FSTL5: variants seen among roughly 807,000 people sequenced by gnomAD.
FSTL5 encodes the protein follistatin-related protein 5.
In FSTL5, 62 loss-of-function variants were observed where a neutral mutation model predicts 89.1. The observed-to-expected ratio is 0.70, with a 90% confidence interval of 0.57 to 0.86. The LOEUF (loss-of-function observed/expected upper bound fraction) is 0.86. FSTL5 is among the 40% of genes least tolerant of loss of function. FSTL5 has a pLI of 0.00. For missense variants in FSTL5, 1,057 were observed against 1,001.6 expected (o/e 1.06, Z -0.75); for synonymous variants, 383 against 346.2 (o/e 1.11, Z -1.18).
rs1241724019 is a variant in FSTL5 at position 161,476,189 on chromosome 4, GT to G, written c.1608+4830del. On this transcript the variant is annotated intron_variant, in intron 13 of 15. Transcript: ENST00000306100. ...AGTTTGCTGGTTTTTTTTTTTTTTT[GT>G]TTGTTTGTTTTTTTGAGAAAGAGTT... Among the ~76,000 whole-genome samples, 52 of 106,902 alleles carry G rather than the reference GT, an allele frequency of 4.9e-4. 3 individuals carry two copies. The highest frequency in any genetic ancestry group is 7.2e-4 in the Admixed American group (6 of 8,294). The allele number at this position is 106,902 out of a possible 152,430, so 70.1% of individuals were successfully genotyped here. A position where few individuals can be genotyped will look rare whatever the true frequency, so the allele number is the denominator to read the frequency against.
At chr4:162,085,781 T>C (rs546835695) in intron 2 of FSTL5, among the ~76,000 whole-genome samples, 140 of 152,240 alleles carry the variant, frequency 9.2e-4, no homozygotes, top group Non-Finnish European at 1.7e-3. Flanking sequence ...ATGGTGGTTT[T>C]TCTATACCTA....
chr4:161,439,198 A>C (rs1405059870), intron 15 of FSTL5, among the ~76,000 whole-genome samples: 1 of 152,242 alleles, frequency 6.6e-6, no homozygotes, highest in Non-Finnish European at 1.5e-5. Context: ...CCTGTCCATT[A>C]CTTCAGAAAT....
intron 10 of FSTL5, among the ~76,000 whole-genome samples, chr4:161,536,444 A>G (rs1389614230): frequency 6.6e-6 from 1 of 152,148 alleles, no homozygotes; most frequent in Non-Finnish European, 1.5e-5. Context: ...TTCTTTTGTT[A>G]TACAGAATTC....
intron 15 of FSTL5, among the ~76,000 whole-genome samples, chr4:161,396,578 TG>T (rs1183634641): frequency 6.7e-6 from 1 of 150,048 alleles, no homozygotes; most frequent in Non-Finnish European, 1.5e-5. Context: ...GGCTTGAACC[TG>T]GGAGGCAGAG....
At chr4:161,868,969 C>T (rs1462108477) in intron 4 of FSTL5, among the ~76,000 whole-genome samples, 1 of 152,126 alleles carries the variant, frequency 6.6e-6, no homozygotes, top group Non-Finnish European at 1.5e-5. Context: ...CACCAGTAAT[C>T]CCAGCAATTT....
At chr4:161,636,620 A>T (rs1160187316) in intron 7 of FSTL5, among the ~76,000 whole-genome samples, 6 of 47,832 alleles carry the variant, frequency 1.3e-4, no homozygotes, top group East Asian at 1.2e-3. Context: ...CCATCCCCCC[A>T]CCCCACCACA....
chr4:162,066,192 T>C (rs1220417153), intron 2 of FSTL5, among the ~76,000 whole-genome samples: 1 of 152,032 alleles, frequency 6.6e-6, no homozygotes, highest in East Asian at 1.9e-4. Flanking sequence ...ATTTATTGAA[T>C]ATATTTTTGT....
chr4:161,439,709 G>A (rs1732693139), intron 15 of FSTL5, among the ~76,000 whole-genome samples: 1 of 119,942 alleles, frequency 8.3e-6, no homozygotes, highest in African/African-American at 3.2e-5. Context: ...GATGAGCCCT[G>A]ATTATTTAAC....
At chr4:161,439,026 T>C (rs1052492915) in intron 15 of FSTL5, among the ~76,000 whole-genome samples, 1 of 151,962 alleles carries the variant, frequency 6.6e-6, no homozygotes, top group Admixed American at 6.6e-5. Flanking sequence ...AAATAATAAA[T>C]GAGCATGCTT....
At chr4:161,875,914 G>A (rs955667217) in intron 4 of FSTL5, among the ~76,000 whole-genome samples, 2 of 152,058 alleles carry the variant, frequency 1.3e-5, no homozygotes, top group Non-Finnish European at 2.9e-5. Context: ...GTTTTAGGTG[G>A]CATTAGGTTT....
At chr4:161,937,873 G>A (rs995431185) in intron 3 of FSTL5, among the ~76,000 whole-genome samples, 3 of 152,052 alleles carry the variant, frequency 2.0e-5, no homozygotes, top group Admixed American at 6.6e-5. Flanking sequence ...CCTGCCAGTT[G>A]CCCTGCTTAT....
chr4:161,606,751 G>A, intron 7 of FSTL5, among the ~76,000 whole-genome samples: 1 of 152,092 alleles, frequency 6.6e-6, no homozygotes, highest in Admixed American at 6.6e-5. Context: ...ATATAAGATG[G>A]TCAATTGGAT....
intron 10 of FSTL5, among the ~76,000 whole-genome samples, chr4:161,537,396 G>A (rs375154085): frequency 2.3e-4 from 35 of 152,274 alleles, no homozygotes; most frequent in African/African-American, 7.2e-4. Flanking sequence ...ACTGTGGCAC[G>A]TGTATACCAA....
intron 6 of FSTL5, among the ~76,000 whole-genome samples, chr4:161,725,555 C>T (rs10008511): frequency 0.34 from 51,710 of 151,336 alleles, 9,749 homozygotes; most frequent in African/African-American, 0.52. Context: ...CATAAACATA[C>T]TTTTGAAAAA....
chr4:161,437,671 T>A (rs1732617832), intron 15 of FSTL5, among the ~76,000 whole-genome samples: 1 of 152,020 alleles, frequency 6.6e-6, no homozygotes, highest in South Asian at 2.1e-4. Flanking sequence ...AAGCAATGAC[T>A]TAATTACAAA....
intron 3 of FSTL5, among the ~76,000 whole-genome samples, chr4:161,973,776 G>A (rs1735552869): frequency 6.6e-6 from 1 of 151,996 alleles, no homozygotes; most frequent in Admixed American, 6.6e-5. Flanking sequence ...TTCTACTATT[G>A]AGCAATCAAA....
At chr4:161,764,297 T>C (rs1296713453) in intron 5 of FSTL5, among the ~76,000 whole-genome samples, 1 of 152,170 alleles carries the variant, frequency 6.6e-6, no homozygotes, top group Non-Finnish European at 1.5e-5. Context: ...TCACTCTTGT[T>C]GTCCAGGCTG....
intron 4 of FSTL5, among the ~76,000 whole-genome samples, chr4:161,901,713 T>C (rs771852647): frequency 3.9e-5 from 6 of 152,056 alleles, no homozygotes; most frequent in Non-Finnish European, 7.4e-5. Context: ...GTGGGGCGGA[T>C]TGCCTGAGCT....
intron 2 of FSTL5, among the ~76,000 whole-genome samples, chr4:162,087,921 G>T (rs996983158): frequency 4.6e-5 from 7 of 150,660 alleles, no homozygotes; most frequent in Non-Finnish European, 7.4e-5. Flanking sequence ...TGTCACAGTT[G>T]TTGTAGTCAT....
Sources: allele counts gnomAD v4.1 joint callset (sites outside exome capture counted in the v4.1 genomes callset), GRCh38; gene constraint gnomAD v4.1.1; transcripts MANE v1.5; gene names NCBI Gene and HGNC (gene_info 2026-07-23, HGNC 2026-07-21).